AGXT2: variants seen among roughly 807,000 people sequenced by gnomAD.
AGXT2 encodes alanine--glyoxylate aminotransferase 2, mitochondrial.
In AGXT2, 61 loss-of-function variants were observed where a neutral mutation model predicts 62.5. That is an observed-to-expected ratio of 0.98 (90% confidence interval 0.79 to 1.21). The LOEUF (loss-of-function observed/expected upper bound fraction) is 1.21, where lower values mean the gene tolerates loss of function less well. AGXT2 is among the 50% of genes most tolerant of loss of function. AGXT2 has a pLI of 0.00. For synonymous variants in AGXT2, 243 were observed against 218.7 expected, an observed-to-expected ratio of 1.11 and a Z score of -0.98; for missense variants, 666 against 641.5, an observed-to-expected ratio of 1.04 and a Z score of -0.41.
chr5:35,016,707 T>C (rs1449824666), intron 9 of AGXT2, among the ~76,000 whole-genome samples: 1 of 152,190 alleles, frequency 6.6e-6, no homozygotes, highest in Admixed American at 6.5e-5. Context: ...ATTGCTTGAC[T>C]TACTGACTGT....
chr5:35,039,617 G>C, intron 2 of AGXT2, 109 bp from the exon 3 acceptor site: 1 of 1,161,420 alleles, frequency 8.6e-7, no homozygotes, highest in Non-Finnish European at 1.3e-6. Flanking sequence ...AGGGCTGCTG[G>C]CCTGTAGAGG....
At chr5:35,025,104 G>A (rs755404359) in intron 9 of AGXT2, among the ~76,000 whole-genome samples, 4 of 152,066 alleles carry the variant, frequency 2.6e-5, no homozygotes, top group African/African-American at 4.8e-5. Context: ...GGCCTGGCAC[G>A]GTGGCTCACG....
In AGXT2 at chr5:35,039,359, G is replaced by T. The variant is rs201752897; in HGVS notation, c.327C>A (p.Ser109=). Residue 109 remains serine, a synonymous_variant, in exon 3 of 14, where the codon TCC becomes TCA. Transcript: ENST00000231420. ...GGCCAACACTGACAGTAACAATCCCGGAAAAGAAATCCAGGTATCTGCTTC... is the reference window on the plus strand; with the variant it reads ...GGCCAACACTGACAGTAACAATCCCTGAAAAGAAATCCAGGTATCTGCTTC... The part of the protein sequence containing the change: ...AEGSRYLDFF[S]GIVTVSVGHC... 1.4e-5 allele frequency: 23 copies of T among 1,613,936 alleles called. No homozygotes were observed. The highest frequency in any genetic ancestry group is 5.0e-5 in the Admixed American group (3 of 59,996).
intron 11 of AGXT2, chr5:35,012,516 C>T (rs1216394536): frequency 9.2e-6 from 2 of 218,440 alleles, no homozygotes; most frequent in African/African-American, 4.6e-5. Flanking sequence ...TAGGGGTGAA[C>T]AGCTGAATTA....
In AGXT2 at chr5:34,998,846, TAAG is replaced by T. The variant is rs1187318245; in HGVS notation, c.1438-23_1438-21del. On this transcript the variant is annotated intron_variant, in intron 13 of 13. Transcript: ENST00000231420. ...AAATGTCTGAGGAGACACCAAAAAA[TAAG>T]AAAACAAATCATCAGAGAATCAAAT... 1 of 1,529,868 alleles carries T rather than the reference TAAG, an allele frequency of 6.5e-7. No individual in the cohort carries two copies. The allele number at this position is 1,529,868 out of a possible 1,614,324, so 94.8% of individuals were successfully genotyped here. A position where few individuals can be genotyped will look rare whatever the true frequency, so the allele number is the denominator to read the frequency against.
At chr5:35,000,632 C>T (rs144161123) in intron 13 of AGXT2, among the ~76,000 whole-genome samples, 15 of 152,328 alleles carry the variant, frequency 9.8e-5, no homozygotes, top group African/African-American at 2.4e-4. Flanking sequence ...TCTGCCGCTT[C>T]GGCCTCCCAA....
chr5:35,045,838 G>A (rs913753331), intron 1 of AGXT2, among the ~76,000 whole-genome samples: 9 of 134,060 alleles, frequency 6.7e-5, no homozygotes, highest in Non-Finnish European at 9.2e-5. Flanking sequence ...CGCAATCTCC[G>A]CTCACTGCAA....
intron 1 of AGXT2, 65 bp from the exon 2 acceptor site, chr5:35,040,728 T>G (rs1027205261): frequency 1.6e-6 from 2 of 1,231,044 alleles, no homozygotes; most frequent in African/African-American, 3.0e-5. Flanking sequence ...GAAAGTCACC[T>G]ATAGTTATCC....
chr5:35,033,385 A>G, intron 6 of AGXT2, 75 bp downstream of exon 6: 3 of 1,172,238 alleles, frequency 2.6e-6, no homozygotes, highest in Non-Finnish European at 3.9e-6. Context: ...TAATCCTTAT[A>G]CCAGGAAAAC....
At chr5:35,042,818 A>G in intron 1 of AGXT2, among the ~76,000 whole-genome samples, 1 of 151,888 alleles carries the variant, frequency 6.6e-6, no homozygotes, top group East Asian at 1.9e-4. Flanking sequence ...ATTAGGATTA[A>G]TAAAACTATA....
rs770323769 is a variant in AGXT2, at chr5:35,047,913, AC to A, written c.-22del. ...GTCATTTCTCCCACTCAGAAAGCCA[AC>A]CCCCATGGAAGCAGATTGGAGGCCG... On this transcript the variant is annotated 5_prime_UTR_variant, in exon 1 of 14. An upstream open reading frame in the 5' UTR gains an earlier in-frame stop. Coordinates refer to ENST00000231420, the MANE Select transcript of AGXT2 (RefSeq NM_031900.4). 1 of 1,613,530 alleles carries A rather than the reference AC, an allele frequency of 6.2e-7. No homozygotes were observed. Among genetic ancestry groups the A allele is most frequent in the South Asian group, 1.1e-5 (1 of 91,042 alleles).
At chr5:35,047,251 C>T (rs1579524257) in intron 1 of AGXT2, among the ~76,000 whole-genome samples, 2 of 152,036 alleles carry the variant, frequency 1.3e-5, no homozygotes, top group East Asian at 3.9e-4. Flanking sequence ...CCAACTTGAG[C>T]AACATAGTAA....
intron 7 of AGXT2, among the ~76,000 whole-genome samples, chr5:35,029,555 C>T (rs1437805616): frequency 6.6e-6 from 1 of 152,178 alleles, no homozygotes; most frequent in Non-Finnish European, 1.5e-5. Context: ...GGAAGAAAAC[C>T]CCAAGCGGGT....
Position 34,998,470 on chromosome 5 carries a change from C to T in AGXT2, c.*249G>A. On this transcript the variant is annotated 3_prime_UTR_variant, in exon 14 of 14. Coordinates refer to ENST00000231420, the MANE Select transcript of AGXT2 (RefSeq NM_031900.4). The stretch of plus-strand genomic sequence containing the variant: ...TGCAAAGGGGAATCAAATTACCATA[C>T]CTAACATAAACTAATTAGGATTTAT... 1 of 555,566 alleles carries T rather than the reference C, an allele frequency of 1.8e-6. No individual in the cohort carries two copies. The highest frequency in any genetic ancestry group is 3.2e-6 in the Non-Finnish European group (1 of 310,582). The allele number at this position is 555,566 out of a possible 1,614,324, so 34.4% of individuals were successfully genotyped here. A position where few individuals can be genotyped will look rare whatever the true frequency, so the allele number is the denominator to read the frequency against.
intron 9 of AGXT2, among the ~76,000 whole-genome samples, chr5:35,014,363 G>T (rs1766765288): frequency 7.0e-6 from 1 of 142,352 alleles, no homozygotes; most frequent in Non-Finnish European, 1.5e-5. Context: ...TGAGACAGGA[G>T]AATCGCTTGA....
chr5:35,046,307 T>A (rs1291684662), intron 1 of AGXT2, among the ~76,000 whole-genome samples: 1 of 152,170 alleles, frequency 6.6e-6, no homozygotes, highest in African/African-American at 2.4e-5. Flanking sequence ...AATTTCCTCC[T>A]CACTGAGCAT....
Position 35,012,946 on chromosome 5 carries a change from G to C in AGXT2, c.1188+8C>G. 1 of 1,551,612 alleles carries C rather than the reference G, an allele frequency of 6.4e-7. No homozygotes were observed. The highest frequency in any genetic ancestry group is 8.7e-7 in the Non-Finnish European group (1 of 1,146,898). ...ATGAGTGAGGTTAATGTGGCCGCTG[G>C]AACCAACCTCAAGCACAGCAGATCC... is the stretch of plus-strand genomic sequence containing the variant. On this transcript the variant is annotated splice_region_variant and intron_variant, in intron 11 of 13. Transcript: ENST00000231420.
At chr5:35,025,708 G>A in intron 9 of AGXT2, 55 bp downstream of exon 9, 1 of 1,556,718 alleles carries the variant, frequency 6.4e-7, no homozygotes. Flanking sequence ...GGAGGTTTCT[G>A]TCTGTGCATC....
At chr5:35,029,491 G>A (rs1767483082) in intron 7 of AGXT2, among the ~76,000 whole-genome samples, 1 of 152,190 alleles carries the variant, frequency 6.6e-6, no homozygotes, top group South Asian at 2.1e-4. Context: ...CGCACTAGCT[G>A]CATTGACTCA....
Sources: gnomAD v4.1 joint callset for allele counts (sites outside exome capture counted in the v4.1 genomes callset) on GRCh38, gnomAD v4.1.1 for gene constraint, MANE v1.5 for transcripts, NCBI Gene and HGNC (gene_info 2026-07-23, HGNC 2026-07-21) for gene names.